TNS3: variants seen among roughly 807,000 people sequenced by gnomAD.
The protein encoded by TNS3 is tensin-3.
Under a neutral mutation model 140.9 loss-of-function variants are expected in TNS3, and 45 were observed. That is an observed-to-expected ratio of 0.32 (90% CI 0.25 to 0.41). The LOEUF (loss-of-function observed/expected upper bound fraction) is 0.41, where lower values mean the gene tolerates loss of function less well. Among genes scored for constraint, TNS3 ranks in the 10% least tolerant of loss-of-function variants. TNS3 has a pLI of 1.00. For synonymous variants in TNS3, 815 were observed against 788.4 expected (o/e 1.03, Z -0.56); for missense variants, 1,716 against 1,906.7 (o/e 0.90, Z 1.86).
chr7:47,308,362 G>C (rs1786881319), intron 20 of TNS3, among the ~76,000 whole-genome samples: 1 of 152,020 alleles, frequency 6.6e-6, no homozygotes, highest in South Asian at 2.1e-4. Context: ...TTAACTTTTT[G>C]AACACATTAA....
At chr7:47,296,168 A>AG (rs1285714696) in intron 24 of TNS3, among the ~76,000 whole-genome samples, 5 of 151,898 alleles carry the variant, frequency 3.3e-5, no homozygotes, top group Admixed American at 6.6e-5. Flanking sequence ...GGGCAGGGGG[A>AG]GAAAAAAAAA....
chr7:47,325,518 T>C (rs763233754), intron 20 of TNS3, among the ~76,000 whole-genome samples: 1 of 152,132 alleles, frequency 6.6e-6, no homozygotes, highest in Non-Finnish European at 1.5e-5. Flanking sequence ...GATTTCTTAG[T>C]CCTGCGTTCT....
At chr7:47,483,144 A>T (rs1166264056) in intron 3 of TNS3, among the ~76,000 whole-genome samples, 2 of 151,164 alleles carry the variant, frequency 1.3e-5, no homozygotes, top group African/African-American at 4.8e-5. Flanking sequence ...AAATGTTTAT[A>T]TATGAAGAGG....
intron 1 of TNS3, among the ~76,000 whole-genome samples, chr7:47,534,901 A>T (rs942636582): frequency 5.9e-5 from 9 of 152,182 alleles, no homozygotes; most frequent in African/African-American, 2.2e-4. Context: ...GAGATGCAGC[A>T]CCACACAGCC....
chr7:47,497,697 A>ACG (rs139313048), intron 3 of TNS3, among the ~76,000 whole-genome samples: 3,547 of 148,492 alleles, frequency 0.024, 139 homozygotes, highest in African/African-American at 0.078. Context: ...ACACACACAC[A>ACG]GAGCAGGAAA....
At chr7:47,496,774 A>T (rs1314292346) in intron 3 of TNS3, among the ~76,000 whole-genome samples, 1 of 152,184 alleles carries the variant, frequency 6.6e-6, no homozygotes, top group Non-Finnish European at 1.5e-5. Context: ...AGGCAGGGAC[A>T]CCTGCAGCAC....
rs866090704 is a variant in TNS3, at chr7:47,563,581, C to T, written c.-265+18470G>A. 3.3e-5 allele frequency among the ~76,000 whole-genome samples: 5 copies of T among 152,190 alleles called. No individual in the cohort carries two copies. The South Asian group carries it at 1.0e-3, about 31-fold the overall frequency. On this transcript the variant is annotated intron_variant, in intron 1 of 30. Transcript: ENST00000311160. ...CTCACCCCCAGGGTGTCATCAAAGT[C>T]GACTTACAGAAGCTCTGCCCCGCTT...
chr7:47,402,231 T>G (rs1051029785), intron 13 of TNS3, among the ~76,000 whole-genome samples: 1 of 151,950 alleles, frequency 6.6e-6, no homozygotes. Flanking sequence ...GACGGGTAAA[T>G]AAACCAAAAA....
chr7:47,446,705 T>C (rs1236225781), intron 4 of TNS3, among the ~76,000 whole-genome samples: 1 of 117,560 alleles, frequency 8.5e-6, no homozygotes, highest in Non-Finnish European at 1.9e-5. Flanking sequence ...TTTTTTTTTT[T>C]TTTTTTTTGA....
At chr7:47,291,589 C>T (rs533453704) in intron 27 of TNS3, among the ~76,000 whole-genome samples, 3 of 152,220 alleles carry the variant, frequency 2.0e-5, no homozygotes, top group South Asian at 4.1e-4. Flanking sequence ...CAGTGTGGGT[C>T]AAATCATTGA....
At chr7:47,300,577 A>T (rs1786340527) in intron 23 of TNS3, among the ~76,000 whole-genome samples, 1 of 152,150 alleles carries the variant, frequency 6.6e-6, no homozygotes, top group Non-Finnish European at 1.5e-5. Context: ...CTCCAACCCA[A>T]ATCTGTCTGT....
chr7:47,323,672 T>G (rs940359754), intron 20 of TNS3, among the ~76,000 whole-genome samples: 1 of 152,220 alleles, frequency 6.6e-6, no homozygotes, highest in Non-Finnish European at 1.5e-5. Flanking sequence ...CTTCCAACAA[T>G]TGTACTTTAA....
chr7:47,319,752 C>T (rs1337377942), intron 20 of TNS3, among the ~76,000 whole-genome samples: 1 of 152,214 alleles, frequency 6.6e-6, no homozygotes, highest in East Asian at 1.9e-4. Context: ...CCCTGTGGCA[C>T]TCGGGGCATC....
At chr7:47,413,252 T>C (rs1189376898) in intron 12 of TNS3, among the ~76,000 whole-genome samples, 1 of 18,966 alleles carries the variant, frequency 5.3e-5, no homozygotes, top group Admixed American at 1.5e-3. Context: ...AAGCCTGGCC[T>C]TTTTTTTTTT....
intron 13 of TNS3, among the ~76,000 whole-genome samples, chr7:47,410,955 T>C (rs1180213271): frequency 1.3e-5 from 2 of 152,212 alleles, no homozygotes; most frequent in African/African-American, 4.8e-5. Context: ...CCAACACACA[T>C]AAGAATCAAA....
At chr7:47,291,269 C>A (rs1351777400) in intron 27 of TNS3, among the ~76,000 whole-genome samples, 1 of 152,114 alleles carries the variant, frequency 6.6e-6, no homozygotes, top group Non-Finnish European at 1.5e-5. Context: ...TGTCATTATG[C>A]ATTTGTCCAA....
chr7:47,280,361 G>A lies in TNS3; in HGVS notation c.4098-7C>T. The A allele has an allele frequency of 6.2e-7, 1 of 1,614,044 alleles. No individual in the cohort carries two copies. Among genetic ancestry groups the A allele is most frequent in the South Asian group, 1.1e-5 (1 of 91,078 alleles). ...ATGCCTCCGGAAGAAGAGCCTGTTG[G>A]GACATGGGGGAGAGAGGATGGCTCC... On this transcript the variant is annotated splice_polypyrimidine_tract_variant and splice_region_variant and intron_variant, in intron 28 of 30. Coordinates refer to ENST00000311160, the MANE Select transcript of TNS3 (RefSeq NM_022748.12).
chr7:47,306,724 G>A (rs975772865), intron 20 of TNS3, among the ~76,000 whole-genome samples: 1 of 152,114 alleles, frequency 6.6e-6, no homozygotes, highest in Non-Finnish European at 1.5e-5. Flanking sequence ...GCAGGCACCT[G>A]CCACCACACC....
chr7:47,559,481 C>T (rs536422025), intron 1 of TNS3, among the ~76,000 whole-genome samples: 2 of 152,290 alleles, frequency 1.3e-5, no homozygotes, highest in East Asian at 1.9e-4. Context: ...GTGCCCTTGG[C>T]GAGTTCCAAG....
Sources: allele counts gnomAD v4.1 joint callset (sites outside exome capture counted in the v4.1 genomes callset), GRCh38; gene constraint gnomAD v4.1.1; transcripts MANE v1.5; gene names NCBI Gene and HGNC (gene_info 2026-07-23, HGNC 2026-07-21).